Variants in UBE2D2 observed in about 807,000 individuals in gnomAD.
The protein encoded by UBE2D2 is ubiquitin-conjugating enzyme E2 D2.
UBE2D2 carries 2 observed loss-of-function variants against 24.2 expected under a neutral mutation model. The observed-to-expected ratio is 0.08, with a 90% CI of 0.03 to 0.26. The LOEUF (loss-of-function observed/expected upper bound fraction) is 0.26. UBE2D2 is among the 10% of genes least tolerant of loss of function. The probability of loss-of-function intolerance (pLI) is 1.00; values close to 1 mark genes in which losing one functional copy is unlikely to be tolerated. For synonymous variants in UBE2D2, 58 were observed against 56.5 expected, an observed-to-expected ratio of 1.03 and a Z score of -0.12; for missense variants, 44 against 177.6, an observed-to-expected ratio of 0.25 and a Z score of 4.28.
chr5:139,551,972 A>T (rs186058550), intron 1 of UBE2D2, among the ~76,000 whole-genome samples: 95 of 152,318 alleles, frequency 6.2e-4, no homozygotes, highest in Middle Eastern at 3.4e-3. Context: ...TGGTAAGCAG[A>T]ACACATCCCA....
Position 139,561,550 on chromosome 5 carries a change from TGGCGGCTAG to T in UBE2D2, c.-235_-227del. The stretch of plus-strand genomic sequence containing the variant: ...GAGGCAGCTACGGCGGCGGCGGCGG[TGGCGGCTAG>T]GGCGGCGGCGAATAAAGGGGCCGCC... On this transcript the variant is annotated 5_prime_UTR_variant, in exon 1 of 7. Coordinates refer to ENST00000398733, the MANE Select transcript of UBE2D2 (RefSeq NM_003339.3). 2.4e-6 allele frequency: 1 copy of T among 416,174 alleles called. No individual in the cohort carries two copies. Among genetic ancestry groups the T allele is most frequent in the Non-Finnish European group, 4.2e-6 (1 of 236,696 alleles). The allele number at this position is 416,174 out of a possible 1,614,324, so 25.8% of individuals were successfully genotyped here.
At chr5:139,539,063 C>T (rs1201800695) in intron 1 of UBE2D2, among the ~76,000 whole-genome samples, 2 of 151,864 alleles carry the variant, frequency 1.3e-5, no homozygotes, top group Admixed American at 6.6e-5. Context: ...CTCGCTCTGT[C>T]GCCCAGGCTG....
intron 1 of UBE2D2, among the ~76,000 whole-genome samples, chr5:139,550,543 TGGC>T (rs1228888495): frequency 6.6e-6 from 1 of 152,102 alleles, no homozygotes; most frequent in African/African-American, 2.4e-5. Context: ...TAGTGGCAAC[TGGC>T]TCAGGTTCTC....
intron 2 of UBE2D2, among the ~76,000 whole-genome samples, chr5:139,605,610 AAAAAG>A (rs1395703198): frequency 2.0e-5 from 3 of 150,006 alleles, no homozygotes; most frequent in Non-Finnish European, 3.0e-5. Flanking sequence ...AAAAAAAAAA[AAAAAG>A]AAAAGAAAGA....
chr5:139,624,316 T>C (rs1754572172), intron 6 of UBE2D2, among the ~76,000 whole-genome samples: 1 of 152,238 alleles, frequency 6.6e-6, no homozygotes, highest in South Asian at 2.1e-4. Flanking sequence ...ATTTTTTCTT[T>C]TCTTTTTTTC....
At chr5:139,588,528 A>G (rs1005550784) in intron 1 of UBE2D2, among the ~76,000 whole-genome samples, 19 of 152,224 alleles carry the variant, frequency 1.2e-4, no homozygotes, top group African/African-American at 4.6e-4. Context: ...GTGATAGTGT[A>G]AGCTTTTAAT....
intron 1 of UBE2D2, among the ~76,000 whole-genome samples, chr5:139,598,911 A>G (rs1754012196): frequency 7.0e-6 from 1 of 143,350 alleles, no homozygotes; most frequent in African/African-American, 2.6e-5. Context: ...GCCTTTTAAA[A>G]TATATTCCTT....
chr5:139,576,658 C>T lies in UBE2D2; in HGVS notation c.24+14843C>T, dbSNP rs142435301. Among the ~76,000 whole-genome samples the T allele has an allele frequency of 2.2e-3, 339 of 152,110 alleles. 1 individual carries two copies. Among genetic ancestry groups the T allele is most frequent in the African/African-American group, 7.5e-3 (311 of 41,488 alleles). ...CTGGGATTACAGGTATGAGCCACTG[C>T]GCCCAGCCAGTAAATTCTTTTTATT... is the stretch of plus-strand genomic sequence containing the variant. On this transcript the variant is annotated intron_variant, in intron 1 of 6. Coordinates refer to ENST00000398733, the MANE Select transcript of UBE2D2 (RefSeq NM_003339.3).
intron 1 of UBE2D2, among the ~76,000 whole-genome samples, chr5:139,543,166 A>T (rs1307216913): frequency 2.0e-5 from 3 of 152,216 alleles, no homozygotes; most frequent in Non-Finnish European, 4.4e-5. Flanking sequence ...AAGTGCTAGG[A>T]TTACAGGCGT....
At chr5:139,549,227 G>C (rs978676805) in intron 1 of UBE2D2, among the ~76,000 whole-genome samples, 4 of 152,240 alleles carry the variant, frequency 2.6e-5, no homozygotes, top group Admixed American at 2.6e-4. Flanking sequence ...CCTCGGCCTC[G>C]GCGTCCACTC....
At chr5:139,532,952 A>G (rs1752615613) in intron 1 of UBE2D2, among the ~76,000 whole-genome samples, 1 of 151,900 alleles carries the variant, frequency 6.6e-6, no homozygotes, top group South Asian at 2.1e-4. Flanking sequence ...ACTAAAAAAT[A>G]CAAAAATTAG....
intron 1 of UBE2D2, among the ~76,000 whole-genome samples, chr5:139,584,212 A>G (rs1753668086): frequency 2.6e-5 from 4 of 152,092 alleles, no homozygotes; most frequent in Non-Finnish European, 5.9e-5. Context: ...AGATATATTT[A>G]GGATACACAG....
In UBE2D2 at chr5:139,548,184, TAAAAAAAAA is replaced by T. The variant is rs1420608616; in HGVS notation, c.-64+21576_-64+21584del. 7.7e-4 allele frequency among the ~76,000 whole-genome samples: 36 copies of T among 46,886 alleles called. No homozygotes were observed. In the East Asian group the frequency reaches 0.016, roughly 20 times the overall value. The allele number at this position is 46,886 out of a possible 152,430, so 30.8% of individuals were successfully genotyped here. A position where few individuals can be genotyped will look rare whatever the true frequency, so the allele number is the denominator to read the frequency against. ...GTCTCAAAAAAAAAAAAAAAAAAAA[TAAAAAAAAA>T]AAATAAATAAATAAATAAATAAACG... On this transcript the variant is annotated intron_variant, in intron 1 of 6. Transcript: ENST00000511725.
chr5:139,532,173 CTTT>C (rs552161384), intron 1 of UBE2D2, among the ~76,000 whole-genome samples: 1 of 135,832 alleles, frequency 7.4e-6, no homozygotes. Flanking sequence ...ATTTATTCTA[CTTT>C]TTTTTTTTTT....
At chr5:139,580,463 A>G (rs1247277046) in intron 1 of UBE2D2, among the ~76,000 whole-genome samples, 1 of 152,006 alleles carries the variant, frequency 6.6e-6, no homozygotes, top group Non-Finnish European at 1.5e-5. Context: ...CTGTTTCTAC[A>G]AATTTTTTTC....
chr5:139,571,749 C>G (rs1753356309), intron 1 of UBE2D2, among the ~76,000 whole-genome samples: 1 of 151,756 alleles, frequency 6.6e-6, no homozygotes, highest in Non-Finnish European at 1.5e-5. Context: ...CTCTTTCCCT[C>G]TTTCCTTCCT....
chr5:139,591,289 T>C (rs1411811344), intron 1 of UBE2D2, among the ~76,000 whole-genome samples: 3 of 149,146 alleles, frequency 2.0e-5, no homozygotes, highest in African/African-American at 7.4e-5. Context: ...CCCAGCTAAC[T>C]TTGTGTTTTT....
At chr5:139,578,205 C>T (rs757202326) in intron 1 of UBE2D2, among the ~76,000 whole-genome samples, 3 of 152,126 alleles carry the variant, frequency 2.0e-5, no homozygotes, top group African/African-American at 4.8e-5. Context: ...TCTGTGGAGT[C>T]GCTACCACTG....
At chr5:139,562,256 A>C in intron 1 of UBE2D2, 3 of 1,359,954 alleles carry the variant, frequency 2.2e-6, no homozygotes, top group Admixed American at 1.9e-5. Context: ...CCCTCCACAA[A>C]ACCGCCTGAG....
Sources: gnomAD v4.1 joint callset for allele counts (sites outside exome capture counted in the v4.1 genomes callset) on GRCh38, gnomAD v4.1.1 for gene constraint, MANE v1.5 for transcripts, NCBI Gene and HGNC (gene_info 2026-07-23, HGNC 2026-07-21) for gene names.